Variants in LYPD6B observed in about 807,000 individuals in gnomAD.
The protein encoded by LYPD6B is LY6/PLAUR domain containing 6B, also known as ly6/PLAUR domain-containing protein 6B.
A neutral mutation model predicts 22.8 loss-of-function variants in LYPD6B; 17 were observed. The observed-to-expected ratio is 0.75, with a 90% CI of 0.51 to 1.12. The LOEUF is 1.12. LYPD6B is among the 50% of genes most tolerant of loss of function. The pLI is 0.00. For synonymous variants in LYPD6B, 106 were observed against 91.6 expected, an observed-to-expected ratio of 1.16 and a Z score of -0.90; for missense variants, 221 against 258.3, an observed-to-expected ratio of 0.86 and a Z score of 0.99.
intron 5 of LYPD6B, among the ~76,000 whole-genome samples, chr2:149,210,875 T>C (rs1174766542): frequency 1.3e-5 from 2 of 152,214 alleles, no homozygotes; most frequent in East Asian, 1.9e-4. Flanking sequence ...CTCTACATTA[T>C]ATCACTGTAT....
chr2:149,146,046 C>T (rs1441880734), intron 2 of LYPD6B, among the ~76,000 whole-genome samples: 1 of 152,184 alleles, frequency 6.6e-6, no homozygotes, highest in Non-Finnish European at 1.5e-5. Context: ...TTCATGCCTC[C>T]ATCTGCATGT....
chr2:149,063,325 C>T (rs1684179283), intron 1 of LYPD6B, among the ~76,000 whole-genome samples: 1 of 152,106 alleles, frequency 6.6e-6, no homozygotes, highest in Non-Finnish European at 1.5e-5. Flanking sequence ...GTAGCCCCGC[C>T]CCATAACACT....
chr2:149,059,020 C>T lies in LYPD6B; in HGVS notation c.-67+20219C>T, dbSNP rs148510734. ...AGATGTGAGATTTTGAGGGCAGCCACGGTCTCCATCTTGTGCCCTGTTCAG... is the reference window on the plus strand; with the variant it reads ...AGATGTGAGATTTTGAGGGCAGCCATGGTCTCCATCTTGTGCCCTGTTCAG... On this transcript the variant is annotated intron_variant, in intron 1 of 6. Coordinates refer to ENST00000409642, the MANE Select transcript of LYPD6B (RefSeq NM_177964.5). 1.4e-3 allele frequency among the ~76,000 whole-genome samples: 207 copies of T among 152,308 alleles called. 2 individuals are homozygous for T. Among genetic ancestry groups the T allele is most frequent in the Non-Finnish European group, 4.6e-4 (31 of 68,034 alleles).
chr2:149,061,260 C>T (rs1293841360), intron 1 of LYPD6B, among the ~76,000 whole-genome samples: 2 of 151,266 alleles, frequency 1.3e-5, no homozygotes, highest in African/African-American at 4.9e-5. Context: ...GCAGTGGAGC[C>T]ATCATAGCTC....
intron 2 of LYPD6B, among the ~76,000 whole-genome samples, chr2:149,135,456 A>G (rs1176705001): frequency 1.3e-5 from 2 of 151,944 alleles, no homozygotes; most frequent in Non-Finnish European, 2.9e-5. Context: ...ACGGTGACTC[A>G]CGCTTGTAAC....
At chr2:149,200,315 C>T (rs1047734525) in intron 3 of LYPD6B, among the ~76,000 whole-genome samples, 5 of 152,172 alleles carry the variant, frequency 3.3e-5, no homozygotes, top group African/African-American at 1.2e-4. Flanking sequence ...GCATTTGCCA[C>T]CTTTGTTTAG....
intron 3 of LYPD6B, chr2:149,188,617 T>A (rs182113474): frequency 3.1e-6 from 2 of 653,970 alleles, no homozygotes; most frequent in Non-Finnish European, 3.8e-6. Context: ...CCCAGTAAAG[T>A]TGAGATTGTG....
Position 149,045,072 on chromosome 2 carries a change from G to A in LYPD6B, c.-67+6271G>A, listed in dbSNP as rs1683249566. ...GGTCCTAGAGTTTTCTTTGTTGGAA[G>A]GTTTTTAACACAAATTTAATTTTAT... On this transcript the variant is annotated intron_variant, in intron 1 of 6. Transcript: ENST00000409642. Among the ~76,000 whole-genome samples the A allele has an allele frequency of 1.3e-5, 2 of 151,874 alleles. 1 individual carries two copies. The highest frequency in any genetic ancestry group is 4.1e-4 in the South Asian group (2 of 4,824).
At chr2:149,159,566 C>T (rs1689914568) in intron 2 of LYPD6B, among the ~76,000 whole-genome samples, 1 of 150,308 alleles carries the variant, frequency 6.7e-6, no homozygotes, top group Non-Finnish European at 1.5e-5. Context: ...TCAGAGAACC[C>T]TGCCCGAGAG....
rs148500740 is a variant in LYPD6B at position 149,103,854 on chromosome 2, G to A, written c.-66-27029G>A. On this transcript the variant is annotated intron_variant, in intron 1 of 6. Coordinates refer to ENST00000409642, the MANE Select transcript of LYPD6B (RefSeq NM_177964.5). ...TGCAGTGGCATGATCTCAGATCACC[G>A]CAACTTCTGGCTCCCGGGTGCAAGC... Among the ~76,000 whole-genome samples, 50 of 127,038 alleles carry A rather than the reference G, an allele frequency of 3.9e-4. 1 individual carries two copies. The South Asian group carries it at 8.3e-3, about 21-fold the overall frequency. 83.3% of individuals were successfully genotyped at this position (127,038 alleles called of 152,430 possible).
chr2:149,084,111 A>AAAT (rs1011606893), intron 1 of LYPD6B, among the ~76,000 whole-genome samples: 2 of 151,960 alleles, frequency 1.3e-5, no homozygotes, highest in Admixed American at 6.6e-5. Flanking sequence ...AAATAAAATA[A>AAAT]AATAAAATAA....
intron 3 of LYPD6B, among the ~76,000 whole-genome samples, chr2:149,167,431 G>A (rs760898477): frequency 2.6e-5 from 4 of 152,164 alleles, no homozygotes; most frequent in Admixed American, 6.6e-5. Context: ...TGCTTTTTAG[G>A]AGGTTTGGTT....
intron 1 of LYPD6B, among the ~76,000 whole-genome samples, chr2:149,129,662 G>T (rs1687905539): frequency 6.6e-6 from 1 of 152,210 alleles, no homozygotes; most frequent in Non-Finnish European, 1.5e-5. Context: ...GCTATTTAGA[G>T]TTATAATGCT....
chr2:149,205,098 T>A, intron 3 of LYPD6B, 155 bp from the exon 4 acceptor site: 1 of 709,700 alleles, frequency 1.4e-6, no homozygotes. Flanking sequence ...TTTCATTTGA[T>A]CAAAAACAAT....
intron 2 of LYPD6B, among the ~76,000 whole-genome samples, chr2:149,151,280 C>G (rs1003399454): frequency 5.3e-5 from 8 of 151,918 alleles, no homozygotes; most frequent in African/African-American, 1.7e-4. Flanking sequence ...GGAGGGAGGC[C>G]GGGTGTGAAG....
At chr2:149,180,122 C>T (rs932879463) in intron 3 of LYPD6B, among the ~76,000 whole-genome samples, 1 of 152,158 alleles carries the variant, frequency 6.6e-6, no homozygotes, top group Non-Finnish European at 1.5e-5. Flanking sequence ...CTAGCATCTG[C>T]GAAGACACTT....
At chr2:149,060,085 G>A (rs528097313) in intron 1 of LYPD6B, among the ~76,000 whole-genome samples, 1 of 152,274 alleles carries the variant, frequency 6.6e-6, no homozygotes, top group Non-Finnish European at 1.5e-5. Context: ...GCTATGCAGG[G>A]CCTTGACTAC....
intron 1 of LYPD6B, among the ~76,000 whole-genome samples, chr2:149,105,613 G>T (rs187158800): frequency 1.3e-5 from 2 of 152,102 alleles, no homozygotes; most frequent in Admixed American, 6.6e-5. Flanking sequence ...ATTGTTGCTG[G>T]TATGTAGAAA....
At chr2:149,183,659 C>T (rs866770212) in intron 3 of LYPD6B, among the ~76,000 whole-genome samples, 18 of 152,194 alleles carry the variant, frequency 1.2e-4, no homozygotes, top group South Asian at 1.0e-3. Flanking sequence ...CCTATAGCAA[C>T]GGCCACAGGT....
Sources: allele counts gnomAD v4.1 joint callset (sites outside exome capture counted in the v4.1 genomes callset), GRCh38; gene constraint gnomAD v4.1.1; transcripts MANE v1.5; gene names NCBI Gene and HGNC (gene_info 2026-07-23, HGNC 2026-07-21).